Variants in DLG2 observed in about 807,000 individuals in gnomAD.
The protein encoded by DLG2 is disks large homolog 2.
Under a neutral mutation model 132.5 loss-of-function variants are expected in DLG2, and 45 were observed. The ratio of observed to expected loss-of-function variants is 0.34; its 90% CI spans 0.27 to 0.44. DLG2 has a LOEUF of 0.44. DLG2 is among the 20% of genes least tolerant of loss of function. The probability of loss-of-function intolerance (pLI) is 1.00; values close to 1 mark genes in which losing one functional copy is unlikely to be tolerated. For missense variants in DLG2, 1,045 were observed against 1,196.9 expected (o/e 0.87, Z 1.87); for synonymous variants, 424 against 419.6 (o/e 1.01, Z -0.13).
At chr11:84,396,803 T>C (rs1054672272) in intron 7 of DLG2, among the ~76,000 whole-genome samples, 4 of 152,170 alleles carry the variant, frequency 2.6e-5, no homozygotes, top group African/African-American at 9.7e-5. Flanking sequence ...CCCCACAAAA[T>C]GGAAAATCTG....
At position 84,662,865 on chromosome 11, in the gene DLG2, C is replaced by T. The variant is rs542601901; in HGVS notation, c.358-128134G>A. On this transcript the variant is annotated intron_variant, in intron 6 of 27. Coordinates refer to ENST00000376104, the MANE Select transcript of DLG2 (RefSeq NM_001142699.3). ...AGATCCTTCCAGTCAGGGATTAAAC[C>T]GGAGAACTGAGAAAAGGTGGAGCTA... 7.3e-5 allele frequency among the ~76,000 whole-genome samples: 11 copies of T among 150,640 alleles called. No homozygotes were observed. The South Asian group carries it at 1.1e-3, about 14-fold the overall frequency.
intron 7 of DLG2, among the ~76,000 whole-genome samples, chr11:84,286,528 T>C (rs533139931): frequency 2.6e-5 from 4 of 152,344 alleles, no homozygotes; most frequent in South Asian, 4.1e-4. Context: ...AATTATCTTT[T>C]ACTTTCATGC....
At chr11:84,260,576 T>C (rs904108506) in intron 7 of DLG2, among the ~76,000 whole-genome samples, 4 of 152,210 alleles carry the variant, frequency 2.6e-5, no homozygotes, top group Non-Finnish European at 5.9e-5. Flanking sequence ...GAACTAACAT[T>C]GATTAACCAA....
intron 18 of DLG2, among the ~76,000 whole-genome samples, chr11:83,676,746 C>T (rs2077767521): frequency 6.6e-6 from 1 of 151,970 alleles, no homozygotes; most frequent in Non-Finnish European, 1.5e-5. Flanking sequence ...GCAAGCTTGG[C>T]ACTACTTACA....
At chr11:85,611,774 T>A (rs1485389084) in intron 2 of DLG2, among the ~76,000 whole-genome samples, 1 of 152,226 alleles carries the variant, frequency 6.6e-6, no homozygotes, top group East Asian at 1.9e-4. Context: ...GAACCCCCAT[T>A]AAATACCACA....
chr11:84,077,346 T>G (rs1428527585), intron 10 of DLG2, among the ~76,000 whole-genome samples: 1 of 152,198 alleles, frequency 6.6e-6, no homozygotes, highest in Admixed American at 6.5e-5. Flanking sequence ...TTTTGCCAAA[T>G]CTAATGAGAT....
rs183314717 is a variant in DLG2 at position 83,628,486 on chromosome 11, G to A, written c.1940+4725C>T. ...GCTCATGTTGTCTAGCTGTGGGATCGTGGGGGAATCATTTAACTTCTCCGA... is the reference window on the plus strand; with the variant it reads ...GCTCATGTTGTCTAGCTGTGGGATCATGGGGGAATCATTTAACTTCTCCGA... On this transcript the variant is annotated intron_variant, in intron 19 of 27. Coordinates refer to ENST00000376104, the MANE Select transcript of DLG2 (RefSeq NM_001142699.3). Among the ~76,000 whole-genome samples, 429 of 152,262 alleles carry A rather than the reference G, an allele frequency of 2.8e-3. 4 individuals are homozygous for A. Among genetic ancestry groups the A allele is most frequent in the Non-Finnish European group, 4.8e-3 (326 of 68,002 alleles).
intron 6 of DLG2, among the ~76,000 whole-genome samples, chr11:85,102,858 C>T (rs1158428074): frequency 2.6e-5 from 4 of 152,056 alleles, no homozygotes; most frequent in Admixed American, 6.6e-5. Context: ...ATCACATAGT[C>T]TCGTACAGTA....
chr11:84,764,842 T>G (rs777861984), intron 6 of DLG2, among the ~76,000 whole-genome samples: 2 of 152,088 alleles, frequency 1.3e-5, no homozygotes, highest in African/African-American at 2.4e-5. Flanking sequence ...TACAAGCAGC[T>G]TATTGTTACT....
At chr11:85,283,809 T>C (rs1026351174) in intron 4 of DLG2, among the ~76,000 whole-genome samples, 3 of 151,732 alleles carry the variant, frequency 2.0e-5, no homozygotes, top group Non-Finnish European at 4.4e-5. Flanking sequence ...TGACAATTTG[T>C]ATCCAGAGAC....
intron 7 of DLG2, among the ~76,000 whole-genome samples, chr11:84,476,663 T>C (rs2099122431): frequency 6.6e-6 from 1 of 152,184 alleles, no homozygotes; most frequent in African/African-American, 2.4e-5. Flanking sequence ...TGTTTGGCTG[T>C]CTCCCAGGAG....
intron 6 of DLG2, among the ~76,000 whole-genome samples, chr11:84,842,771 A>G (rs1186939985): frequency 6.6e-6 from 1 of 151,946 alleles, no homozygotes; most frequent in African/African-American, 2.4e-5. Flanking sequence ...AGGAGAGGGT[A>G]TAATGAATAT....
chr11:85,078,015 A>T (rs149158917), intron 6 of DLG2, among the ~76,000 whole-genome samples: 1 of 152,012 alleles, frequency 6.6e-6, no homozygotes, highest in African/African-American at 2.4e-5. Context: ...TTCCATTTCA[A>T]CTTTAATTCA....
intron 8 of DLG2, among the ~76,000 whole-genome samples, chr11:84,192,705 G>C (rs1243307675): frequency 6.6e-6 from 1 of 152,030 alleles, no homozygotes; most frequent in East Asian, 1.9e-4. Context: ...ACTCCAGCCT[G>C]GGCGACAGGG....
At chr11:84,926,552 A>T (rs180993008) in intron 6 of DLG2, among the ~76,000 whole-genome samples, 1 of 152,024 alleles carries the variant, frequency 6.6e-6, no homozygotes, top group Non-Finnish European at 1.5e-5. Context: ...GGCTATTTGT[A>T]TTTGTATATT....
At chr11:84,670,907 C>A (rs1357585634) in intron 6 of DLG2, among the ~76,000 whole-genome samples, 1 of 151,956 alleles carries the variant, frequency 6.6e-6, no homozygotes, top group Non-Finnish European at 1.5e-5. Context: ...AGAGTAGATA[C>A]CTTTTTGTAC....
At chr11:84,204,333 T>C (rs182989855) in intron 8 of DLG2, among the ~76,000 whole-genome samples, 40 of 152,202 alleles carry the variant, frequency 2.6e-4, no homozygotes, top group African/African-American at 7.0e-4. Context: ...AAAATAGAAA[T>C]AGAGAAATAC....
intron 3 of DLG2, among the ~76,000 whole-genome samples, chr11:85,296,539 A>G (rs1462734091): frequency 6.7e-6 from 1 of 150,036 alleles, no homozygotes; most frequent in African/African-American, 2.4e-5. Flanking sequence ...TCTGAATCAG[A>G]AGACTGTAAA....
chr11:83,729,826 TAC>T (rs935713476), intron 18 of DLG2, among the ~76,000 whole-genome samples: 5 of 152,240 alleles, frequency 3.3e-5, no homozygotes, highest in Non-Finnish European at 7.3e-5. Context: ...CCCATTTCTA[TAC>T]AGATTCATTT....
Sources: allele counts gnomAD v4.1 joint callset (sites outside exome capture counted in the v4.1 genomes callset), GRCh38; gene constraint gnomAD v4.1.1; transcripts MANE v1.5; gene names NCBI Gene and HGNC (gene_info 2026-07-23, HGNC 2026-07-21).